The following OR10A5 variants were observed in gnomAD, a reference collection of about 807,000 sequenced individuals.
OR10A5 encodes the protein olfactory receptor 10A5.
In OR10A5, 7 loss-of-function variants were observed where a neutral mutation model predicts 6.0. That is an observed-to-expected ratio of 1.17 (90% CI 0.66 to 2.20). OR10A5 has a LOEUF of 2.20. OR10A5 is among the 30% of genes most tolerant of loss of function. The pLI is 0.00. For synonymous variants in OR10A5, 149 were observed against 148.8 expected (o/e 1.00, Z -0.01); for missense variants, 369 against 378.1 (o/e 0.98, Z 0.20).
Position 6,846,390 on chromosome 11 carries a change from T to TA in OR10A5, c.711dup (p.Ala238SerfsTer20). 1 of 1,614,198 alleles carries TA rather than the reference T, an allele frequency of 6.2e-7. No homozygotes were observed. The highest frequency in any genetic ancestry group is 8.5e-7 in the Non-Finnish European group (1 of 1,180,020). On this transcript the variant is annotated frameshift_variant, in exon 1 of 1. Transcript: ENST00000299454. LOFTEE classifies it high-confidence loss of function. Reference sequence around the variant, plus strand: ...AGATCCCATCAGCTAAAGGGAAGCATAAAGCCTTCTCTACGTGCTCCTCAC... The same window carrying TA: ...AGATCCCATCAGCTAAAGGGAAGCATAAAAGCCTTCTCTACGTGCTCCTCAC...
rs1425860595 is a variant in OR10A5 at position 6,845,838 on chromosome 11, T to A, written c.156T>A (p.Ala52=). ...GNSLIILVTL[A]DPMLHSPMYF... ...GCCTCATCATTCTGGTTACCCTAGC[T>A]GACCCCATGCTACACAGCCCCATGT... is the stretch of plus-strand genomic sequence containing the variant. The change falls in exon 1 of 1, where the codon GCT becomes GCA. Residue 52 remains alanine, a synonymous_variant. Coordinates refer to ENST00000299454, the MANE Select transcript of OR10A5 (RefSeq NM_178168.1). 1.9e-6 allele frequency: 3 copies of A among 1,614,080 alleles called. No individual in the cohort carries two copies. The highest frequency in any genetic ancestry group is 1.7e-6 in the Non-Finnish European group (2 of 1,180,022).
Position 6,846,490 on chromosome 11 carries a change from G to C in OR10A5, c.808G>C (p.Glu270Gln). 6.2e-7 allele frequency: 1 copy of C among 1,613,902 alleles called. No individual in the cohort carries two copies. The highest frequency in any genetic ancestry group is 8.5e-7 in the Non-Finnish European group (1 of 1,179,834). The stretch of plus-strand genomic sequence containing the variant: ...CTGGCCTAAATCAAATAATTCTCCT[G>C]AGAGCAAGAAGTTGTTATCATTATC... The part of the protein sequence containing the change: ...YFWPKSNNSP[E>Q]SKKLLSLSYT... Residue 270 changes from glutamate to glutamine, a missense_variant, in exon 1 of 1, where the codon GAG (glutamate) becomes CAG (glutamine). Transcript: ENST00000299454.
Position 6,846,085 on chromosome 11 carries a change from G to A in OR10A5, c.403G>A (p.Val135Ile), listed in dbSNP as rs773403098. ...VAICSPLHYP[V>I]IMNQRTRAKL... Reference sequence around the variant, plus strand: ...CATCTGCAGTCCCTTGCACTACCCAGTCATCATGAACCAAAGGACACGGGC... The same window carrying A: ...CATCTGCAGTCCCTTGCACTACCCAATCATCATGAACCAAAGGACACGGGC... The change falls in exon 1 of 1, where the codon GTC (valine) becomes ATC (isoleucine). Residue 135 changes from valine (V) to isoleucine (I), a missense_variant. Val to Ile is a conservative substitution (Grantham distance 29, BLOSUM62 3). Transcript: ENST00000299454. 6.2e-7 allele frequency: 1 copy of A among 1,614,210 alleles called. No homozygotes were observed. The highest frequency in any genetic ancestry group is 1.7e-5 in the Admixed American group (1 of 60,026).
rs201311023 is a variant in OR10A5, at chr11:6,845,897, T to C, written c.215T>C (p.Ile72Thr). ...FFLRNLSFLEIGFNLVIVPKM... is the reference protein window; with the variant it reads ...FFLRNLSFLETGFNLVIVPKM... ...CTCAGAAACTTATCTTTCCTGGAGA[T>C]TGGCTTCAACCTAGTCATTGTGCCC... The change falls in exon 1 of 1, where the codon ATT becomes ACT. Residue 72 changes from isoleucine to threonine, a missense_variant. By Grantham distance (89) the Ile-to-Thr change is moderately conservative (BLOSUM62 -1). Transcript: ENST00000299454. The C allele has an allele frequency of 4.6e-5, 75 of 1,614,044 alleles. No individual in the cohort carries two copies. Among genetic ancestry groups the C allele is most frequent in the Non-Finnish European group, 9.3e-6 (11 of 1,180,028 alleles).
Position 6,846,232 on chromosome 11 carries a change from C to T in OR10A5, c.550C>T (p.Pro184Ser). Residue 184 changes from proline (P) to serine (S), a missense_variant, in exon 1 of 1, where the codon CCT (proline) becomes TCT (serine). Pro to Ser is a moderately conservative substitution (Grantham distance 74). Transcript: ENST00000299454. ...GAACCACTTCTTCTGTGACAGCCCG[C>T]CTGTGCTGAAGCTGGTCTGTGCAGA... ...KVNHFFCDSP[P>S]VLKLVCADTA... The T allele has an allele frequency of 1.2e-6, 2 of 1,614,190 alleles. No individual in the cohort carries two copies. Among genetic ancestry groups the T allele is most frequent in the South Asian group, 1.1e-5 (1 of 91,080 alleles).
At position 6,846,109 on chromosome 11, in the gene OR10A5, G is replaced by C. The variant is rs749999169; in HGVS notation, c.427G>C (p.Ala143Pro). The part of the protein sequence containing the change: ...YPVIMNQRTR[A>P]KLAAASWFPG... ...AGTCATCATGAACCAAAGGACACGG[G>C]CCAAACTGGCTGCTGCTTCCTGGTT... is the stretch of plus-strand genomic sequence containing the variant. The change falls in exon 1 of 1, where the codon GCC becomes CCC. Residue 143 changes from alanine (A) to proline (P), a missense_variant. Ala to Pro is a conservative substitution (Grantham distance 27). Transcript: ENST00000299454. 1 of 1,614,208 alleles carries C rather than the reference G, an allele frequency of 6.2e-7. No homozygotes were observed. Among genetic ancestry groups the C allele is most frequent in the Non-Finnish European group, 8.5e-7 (1 of 1,180,042 alleles).
chr11:6,846,461 A>C lies in OR10A5; in HGVS notation c.779A>C (p.Tyr260Ser), dbSNP rs2133058627. ...TTCTATATATCTTCTAGCCTCACCT[A>C]CTTCTGGCCTAAATCAAATAATTCT... ...SLFYISSSLT[Y>S]FWPKSNNSPE... The change falls in exon 1 of 1, where the codon TAC becomes TCC. Residue 260 changes from tyrosine (Y) to serine (S), a missense_variant. Physicochemically the swap from Tyr to Ser is moderately radical, Grantham distance 144. Coordinates refer to ENST00000299454, the MANE Select transcript of OR10A5 (RefSeq NM_178168.1). The C allele has an allele frequency of 1.2e-6, 2 of 1,614,028 alleles. No individual in the cohort carries two copies. The highest frequency in any genetic ancestry group is 1.7e-4 in the Middle Eastern group (1 of 6,060).
In OR10A5 at chr11:6,846,425, T is replaced by C; in HGVS notation, c.743T>C (p.Val248Ala). Residue 248 changes from valine (V) to alanine (A), a missense_variant, in exon 1 of 1, where the codon GTT (valine) becomes GCT (alanine). Val to Ala is a moderately conservative substitution (Grantham distance 64). Coordinates refer to ENST00000299454, the MANE Select transcript of OR10A5 (RefSeq NM_178168.1). ...AFSTCSSHLL[V>A]VSLFYISSSL... is the part of the protein sequence containing the mutation. ...TCTACGTGCTCCTCACACCTCCTTG[T>C]TGTCTCTCTTTTCTATATATCTTCT... The C allele has an allele frequency of 6.2e-7, 1 of 1,614,066 alleles. No individual in the cohort carries two copies. Among genetic ancestry groups the C allele is most frequent in the Non-Finnish European group, 8.5e-7 (1 of 1,179,984 alleles).
chr11:6,846,569 G>A lies in OR10A5; in HGVS notation c.887G>A (p.Ser296Asn). The A allele has an allele frequency of 6.2e-7, 1 of 1,613,958 alleles. No individual in the cohort carries two copies. Among genetic ancestry groups the A allele is most frequent in the South Asian group, 1.1e-5 (1 of 91,052 alleles). Residue 296 changes from serine to asparagine, a missense_variant, in exon 1 of 1, where the codon AGC becomes AAC. Coordinates refer to ENST00000299454, the MANE Select transcript of OR10A5 (RefSeq NM_178168.1). The stretch of plus-strand genomic sequence containing the variant: ...CCCATTATCTACAGCTTGAGAAATA[G>A]CGAGGTGAAGAATGCCCTCAGCAGG... ...LNPIIYSLRNSEVKNALSRTF... is the reference protein window; with the variant it reads ...LNPIIYSLRNNEVKNALSRTF...
rs1407587180 is a variant in OR10A5 at position 6,845,930 on chromosome 11, T to C, written c.248T>C (p.Leu83Pro). Residue 83 changes from leucine to proline, a missense_variant, in exon 1 of 1, where the codon CTG becomes CCG. Coordinates refer to ENST00000299454, the MANE Select transcript of OR10A5 (RefSeq NM_178168.1). ...GFNLVIVPKM[L>P]GTLLAQDTTI... Reference sequence around the variant, plus strand: ...AACCTAGTCATTGTGCCCAAAATGCTGGGGACCCTGCTTGCCCAGGACACA... The same window carrying C: ...AACCTAGTCATTGTGCCCAAAATGCCGGGGACCCTGCTTGCCCAGGACACA... 6.2e-7 allele frequency: 1 copy of C among 1,614,040 alleles called. No individual in the cohort carries two copies. The highest frequency in any genetic ancestry group is 8.5e-7 in the Non-Finnish European group (1 of 1,180,014).
At position 6,846,362 on chromosome 11, in the gene OR10A5, T is replaced by C. The variant is rs763938858; in HGVS notation, c.680T>C (p.Leu227Pro). ...CSYTRIAAAI[L>P]KIPSAKGKHK... ...TATACTCGCATTGCTGCTGCTATCCTCAAGATCCCATCAGCTAAAGGGAAG... is the reference window on the plus strand; with the variant it reads ...TATACTCGCATTGCTGCTGCTATCCCCAAGATCCCATCAGCTAAAGGGAAG... Residue 227 changes from leucine (L) to proline (P), a missense_variant, in exon 1 of 1, where the codon CTC (leucine) becomes CCC (proline). Transcript: ENST00000299454. 82 of 1,614,104 alleles carry C rather than the reference T, an allele frequency of 5.1e-5. No homozygotes were observed. The South Asian group carries it at 8.5e-4, about 17-fold the overall frequency.
rs114783985 is a variant in OR10A5, at chr11:6,846,371, C to T, written c.689C>T (p.Pro230Leu). Residue 230 changes from proline to leucine, a missense_variant, in exon 1 of 1, where the codon CCA (proline) becomes CTA (leucine). By Grantham distance (98) the Pro-to-Leu change is moderately conservative. Transcript: ENST00000299454. ...TRIAAAILKI[P>L]SAKGKHKAFS... ...ATTGCTGCTGCTATCCTCAAGATCC[C>T]ATCAGCTAAAGGGAAGCATAAAGCC... The T allele has an allele frequency of 2.0e-3, 3,243 of 1,614,194 alleles. 59 individuals carry two copies. In the African/African-American group the frequency reaches 0.038, roughly 19 times the overall value.
At position 6,846,488 on chromosome 11, in the gene OR10A5, C is replaced by A. The variant is rs1389644350; in HGVS notation, c.806C>A (p.Pro269His). ...TTCTGGCCTAAATCAAATAATTCTCCTGAGAGCAAGAAGTTGTTATCATTA... is the reference window on the plus strand; with the variant it reads ...TTCTGGCCTAAATCAAATAATTCTCATGAGAGCAAGAAGTTGTTATCATTA... ...TYFWPKSNNS[P>H]ESKKLLSLSY... Residue 269 changes from proline to histidine, a missense_variant, in exon 1 of 1, where the codon CCT (proline) becomes CAT (histidine). By Grantham distance (77) the Pro-to-His change is moderately conservative. Transcript: ENST00000299454. 6.2e-7 allele frequency: 1 copy of A among 1,613,938 alleles called. No individual in the cohort carries two copies. Among genetic ancestry groups the A allele is most frequent in the Non-Finnish European group, 8.5e-7 (1 of 1,179,824 alleles).
In OR10A5 at chr11:6,846,302, T is replaced by C; in HGVS notation, c.620T>C (p.Val207Ala). The C allele has an allele frequency of 6.2e-7, 1 of 1,614,182 alleles. No homozygotes were observed. ...TACGCCATCGTCGGAACCATTCTGG[T>C]GGTCATGATCCCCTGCTTGCTGATC... ...EIYAIVGTIL[V>A]VMIPCLLILC... The change falls in exon 1 of 1, where the codon GTG becomes GCG. Residue 207 changes from valine to alanine, a missense_variant. Coordinates refer to ENST00000299454, the MANE Select transcript of OR10A5 (RefSeq NM_178168.1).
rs754713344 is a variant in OR10A5, at chr11:6,846,636, G to C, written c.954G>C (p.Ter318TyrextTer?). The C allele has an allele frequency of 6.5e-7, 1 of 1,530,404 alleles. No homozygotes were observed. The highest frequency in any genetic ancestry group is 1.2e-5 in the South Asian group (1 of 82,132). 94.8% of individuals were successfully genotyped at this position (1,530,404 alleles called of 1,614,324 possible). ...KVLALRNCIP[*>Y] is the part of the protein sequence containing the mutation. ...TAGCCCTCAGAAACTGTATCCCATA[G>C]ACCTTAGGAAGTAAGGCTAAATTCT... Residue 318 changes from the stop codon to tyrosine, a stop_lost, in exon 1 of 1, where the codon TAG becomes TAC. Coordinates refer to ENST00000299454, the MANE Select transcript of OR10A5 (RefSeq NM_178168.1).
At position 6,846,360 on chromosome 11, in the gene OR10A5, C is replaced by T. The variant is rs752686061; in HGVS notation, c.678C>T (p.Ile226=). Residue 226 remains isoleucine (I), a synonymous_variant, in exon 1 of 1, where the codon ATC becomes ATT. Coordinates refer to ENST00000299454, the MANE Select transcript of OR10A5 (RefSeq NM_178168.1). ...LCSYTRIAAA[I]LKIPSAKGKH... ...CCTATACTCGCATTGCTGCTGCTAT[C>T]CTCAAGATCCCATCAGCTAAAGGGA... 1.5e-5 allele frequency: 24 copies of T among 1,614,098 alleles called. No homozygotes were observed. The highest frequency in any genetic ancestry group is 2.2e-5 in the South Asian group (2 of 91,092).
chr11:6,846,206 T>C lies in OR10A5; in HGVS notation c.524T>C (p.Val175Ala). 2 of 1,614,186 alleles carry C rather than the reference T, an allele frequency of 1.2e-6. No individual in the cohort carries two copies. The highest frequency in any genetic ancestry group is 1.3e-5 in the African/African-American group (1 of 75,050). Residue 175 changes from valine (V) to alanine (A), a missense_variant, in exon 1 of 1, where the codon GTG (valine) becomes GCG (alanine). Physicochemically the swap from Val to Ala is moderately conservative, Grantham distance 64. Coordinates refer to ENST00000299454, the MANE Select transcript of OR10A5 (RefSeq NM_178168.1). Reference protein sequence around the residue: ...FSFPFCGTNKVNHFFCDSPPV... With the variant: ...FSFPFCGTNKANHFFCDSPPV... ...TTTCCATTCTGTGGCACCAACAAGG[T>C]GAACCACTTCTTCTGTGACAGCCCG...
rs780912728 is a variant in OR10A5, at chr11:6,846,538, T to G, written c.856T>G (p.Leu286Val). ...SLSYTVVTPMLNPIIYSLRNS... is the reference protein window; with the variant it reads ...SLSYTVVTPMVNPIIYSLRNS... ...ATCCTACACTGTTGTGACTCCCATG[T>G]TGAACCCCATTATCTACAGCTTGAG... Residue 286 changes from leucine (L) to valine (V), a missense_variant, in exon 1 of 1, where the codon TTG becomes GTG. Physicochemically the swap from Leu to Val is conservative, Grantham distance 32 (BLOSUM62 1). Transcript: ENST00000299454. 1.2e-6 allele frequency: 2 copies of G among 1,613,928 alleles called. No homozygotes were observed. Among genetic ancestry groups the G allele is most frequent in the African/African-American group, 2.7e-5 (2 of 74,930 alleles).
rs147640150 is a variant in OR10A5 at position 6,846,178 on chromosome 11, A to G, written c.496A>G (p.Ser166Gly). The change falls in exon 1 of 1, where the codon AGT (serine) becomes GGT (glycine). Residue 166 changes from serine to glycine, a missense_variant. Coordinates refer to ENST00000299454, the MANE Select transcript of OR10A5 (RefSeq NM_178168.1). ...VATVQTTWLF[S>G]FPFCGTNKVN... is the part of the protein sequence containing the mutation. ...TACTGTGCAGACCACATGGCTCTTC[A>G]GTTTTCCATTCTGTGGCACCAACAA... The G allele has an allele frequency of 3.0e-4, 489 of 1,614,108 alleles. No individual in the cohort carries two copies. The highest frequency in any genetic ancestry group is 3.9e-4 in the Non-Finnish European group (466 of 1,180,012).
Sources: gnomAD v4.1 joint callset for allele counts on GRCh38, gnomAD v4.1.1 for gene constraint, MANE v1.5 for transcripts, NCBI Gene and HGNC (gene_info 2026-07-23, HGNC 2026-07-21) for gene names.